Variants in SATB2 observed in about 807,000 individuals in gnomAD.
SATB2 encodes DNA-binding protein SATB2.
In SATB2, 1 loss-of-function variant was observed where a neutral mutation model predicts 73.4. The observed-to-expected ratio is 0.01, with a 90% CI of 0.00 to 0.06. The LOEUF (loss-of-function observed/expected upper bound fraction) is 0.06, where lower values mean the gene tolerates loss of function less well. Among genes scored for constraint, SATB2 ranks in the 10% least tolerant of loss-of-function variants. The pLI, the probability that SATB2 is intolerant of heterozygous loss-of-function variation, is 1.00. For missense variants in SATB2, 459 were observed against 945.8 expected, an observed-to-expected ratio of 0.49 and a Z score of 6.75; for synonymous variants, 397 against 367.0, an observed-to-expected ratio of 1.08 and a Z score of -0.93.
At chr2:199,311,993 C>A (rs1271838563) in intron 9 of SATB2, among the ~76,000 whole-genome samples, 1 of 150,636 alleles carries the variant, frequency 6.6e-6, no homozygotes, top group Non-Finnish European at 1.5e-5. Flanking sequence ...GATTTTTTTT[C>A]ATTTATATAA....
chr2:199,453,524 T>C (rs1476219865), intron 2 of SATB2, among the ~76,000 whole-genome samples: 1 of 152,024 alleles, frequency 6.6e-6, no homozygotes, highest in Non-Finnish European at 1.5e-5. Flanking sequence ...TTACTCTATG[T>C]TCAAAAAAAT....
intron 3 of SATB2, among the ~76,000 whole-genome samples, chr2:199,429,808 C>T (rs1283998209): frequency 1.3e-5 from 2 of 152,068 alleles, no homozygotes; most frequent in Non-Finnish European, 1.5e-5. Flanking sequence ...TATTTGGGAG[C>T]CTAAGGCAGG....
chr2:199,456,210 T>G, intron 1 of SATB2, 114 bp from the exon 2 acceptor site: 5 of 696,354 alleles, frequency 7.2e-6, no homozygotes, highest in Non-Finnish European at 9.8e-6. Flanking sequence ...CCACACAAAC[T>G]TCCTCCCACG....
intron 7 of SATB2, among the ~76,000 whole-genome samples, chr2:199,331,981 AT>A (rs1688203257): frequency 1.3e-5 from 2 of 152,144 alleles, no homozygotes; most frequent in African/African-American, 4.8e-5. Flanking sequence ...TCACTTGGAC[AT>A]TCCCATTATG....
chr2:199,462,728 C>G (rs1238748430), upstream of SATB2, among the ~76,000 whole-genome samples: 1 of 152,168 alleles, frequency 6.6e-6, no homozygotes, highest in Non-Finnish European at 1.5e-5. This position sits in a 1 kb window ranked among gnomAD's most constrained non-coding sequence, Gnocchi z 5.9. Flanking sequence ...AGGTCCTCCT[C>G]CCGGCCCCAA....
chr2:199,407,561 AATG>A (rs1252969307), intron 3 of SATB2, among the ~76,000 whole-genome samples: 2 of 152,200 alleles, frequency 1.3e-5, no homozygotes, highest in Non-Finnish European at 2.9e-5. Flanking sequence ...TCAGGAACTC[AATG>A]ATGATCTAGA....
chr2:199,311,557 C>T (rs1687595072), intron 9 of SATB2, among the ~76,000 whole-genome samples: 1 of 152,076 alleles, frequency 6.6e-6, no homozygotes, highest in South Asian at 2.1e-4. Context: ...GAAGGTGATC[C>T]TAACTCTACC....
intron 10 of SATB2, among the ~76,000 whole-genome samples, chr2:199,275,978 C>T (rs1342665694): frequency 6.6e-6 from 1 of 152,124 alleles, no homozygotes; most frequent in Non-Finnish European, 1.5e-5. Flanking sequence ...GTTATCTGTC[C>T]TAACTATCTG....
intron 7 of SATB2, chr2:199,329,354 A>C (rs1327037641): frequency 6.2e-6 from 1 of 160,046 alleles, no homozygotes; most frequent in African/African-American, 2.4e-5. Context: ...TGGTAGATTT[A>C]CATCAATTTA....
chr2:199,285,825 G>T (rs913362809), intron 10 of SATB2, among the ~76,000 whole-genome samples: 24 of 148,786 alleles, frequency 1.6e-4, no homozygotes, highest in Non-Finnish European at 2.8e-4. Context: ...CAAGCAAAAT[G>T]GTAGGAAGTC....
At chr2:199,299,551 A>G (rs1462617759) in intron 10 of SATB2, among the ~76,000 whole-genome samples, 2 of 152,180 alleles carry the variant, frequency 1.3e-5, no homozygotes, top group Non-Finnish European at 2.9e-5. Flanking sequence ...GAATAATGCA[A>G]GGTAGCCAGA....
intron 5 of SATB2, 44 bp from the exon 6 acceptor site, chr2:199,368,751 T>A (rs1662012195): frequency 1.7e-6 from 2 of 1,167,050 alleles, no homozygotes; most frequent in Non-Finnish European, 2.5e-6. Flanking sequence ...TATGACTACT[T>A]CTTTTTAGGG....
chr2:199,458,674 C>T (rs1357961250), upstream of SATB2: 2 of 442,272 alleles, frequency 4.5e-6, no homozygotes, highest in Non-Finnish European at 9.0e-6. Flanking sequence ...AAGAGGCGAC[C>T]GCGGCTGCCT....
At chr2:199,377,694 G>C (rs562278341) in intron 5 of SATB2, among the ~76,000 whole-genome samples, 5 of 152,238 alleles carry the variant, frequency 3.3e-5, no homozygotes, top group East Asian at 3.9e-4. Context: ...GGTGGGTAGG[G>C]GGAGTGACTG....
intron 9 of SATB2, among the ~76,000 whole-genome samples, chr2:199,319,930 G>A (rs1196223985): frequency 1.3e-5 from 2 of 152,030 alleles, no homozygotes; most frequent in Non-Finnish European, 2.9e-5. Context: ...TGTTGTCAAA[G>A]TACACAACCG....
chr2:199,378,018 A>C (rs1689655549), intron 5 of SATB2, among the ~76,000 whole-genome samples: 1 of 152,196 alleles, frequency 6.6e-6, no homozygotes, highest in African/African-American at 2.4e-5. Context: ...ACTATGTGAA[A>C]CATGCAAATA....
chr2:199,438,208 A>G (rs1691709113), intron 2 of SATB2, among the ~76,000 whole-genome samples: 1 of 152,236 alleles, frequency 6.6e-6, no homozygotes, highest in African/African-American at 2.4e-5. Flanking sequence ...CACCTGTTTA[A>G]CTTTTAGTGT....
At chr2:199,300,017 C>T (rs573524915) in intron 10 of SATB2, among the ~76,000 whole-genome samples, 41 of 152,136 alleles carry the variant, frequency 2.7e-4, no homozygotes, top group Middle Eastern at 3.4e-3. Flanking sequence ...CACTTTCTAC[C>T]GTAGTCTCTA....
At chr2:199,309,832 A>T (rs1687544938) in intron 9 of SATB2, among the ~76,000 whole-genome samples, 1 of 152,220 alleles carries the variant, frequency 6.6e-6, no homozygotes, top group Non-Finnish European at 1.5e-5. Flanking sequence ...GCAAAAGAGT[A>T]AAAAAATGTT....
Sources: allele counts gnomAD v4.1 joint callset (sites outside exome capture counted in the v4.1 genomes callset), GRCh38; gene constraint gnomAD v4.1.1; non-coding constraint Gnocchi (gnomAD v3.1); transcripts MANE v1.5; gene names NCBI Gene and HGNC (gene_info 2026-07-23, HGNC 2026-07-21).